TMEM200A: variants seen among roughly 807,000 people sequenced by gnomAD.
The protein encoded by TMEM200A is transmembrane protein 200A.
Under a neutral mutation model 24.3 loss-of-function variants are expected in TMEM200A, and 12 were observed. The ratio of observed to expected loss-of-function variants is 0.49; its 90% CI spans 0.32 to 0.80. The LOEUF (loss-of-function observed/expected upper bound fraction) is 0.80. TMEM200A is among the 30% of genes least tolerant of loss of function. The pLI is 0.04. For missense variants in TMEM200A, 545 were observed against 614.4 expected (o/e 0.89, Z 1.19); for synonymous variants, 224 against 224.4 (o/e 1.00, Z 0.02).
rs756747178 is a variant in TMEM200A, at chr6:130,440,953, G to A, written c.531G>A (p.Glu177=). The stretch of plus-strand genomic sequence containing the variant: ...ACATTCACACGCTAAGAATCAAGGA[G>A]CAAAGGCAAATGAACGGCATGTACA... ...VIDIHTLRIK[E]QRQMNGMYTG... is the part of the protein sequence containing the mutation. Residue 177 remains glutamate (E), a synonymous_variant, in exon 3 of 3, where the codon GAG becomes GAA. Coordinates refer to ENST00000296978, the MANE Select transcript of TMEM200A (RefSeq NM_001258277.2). The A allele has an allele frequency of 4.3e-6, 7 of 1,613,998 alleles. No homozygotes were observed. In the Admixed American group the frequency reaches 8.3e-5, roughly 19 times the overall value.
chr6:130,431,231 A>T (rs1472722405), intron 2 of TMEM200A, among the ~76,000 whole-genome samples: 1 of 152,210 alleles, frequency 6.6e-6, no homozygotes, highest in African/African-American at 2.4e-5. Flanking sequence ...ACCGGAAATG[A>T]TATTAATACT....
At chr6:130,432,247 T>A (rs1393046116) in intron 2 of TMEM200A, among the ~76,000 whole-genome samples, 1 of 152,204 alleles carries the variant, frequency 6.6e-6, no homozygotes, top group Non-Finnish European at 1.5e-5. Flanking sequence ...AGATTACTCA[T>A]TCATTCGATC....
rs74342531 is a variant in TMEM200A at position 130,369,443 on chromosome 6, A to G, written c.-81+2919A>G. ...TTAGGTGAGGTTGAATTTCTGCGTA[A>G]GAATTTAGGTTACATTCTGGAACAC... On this transcript the variant is annotated intron_variant, in intron 1 of 2. Transcript: ENST00000296978. Among the ~76,000 whole-genome samples, 311 of 152,290 alleles carry G rather than the reference A, an allele frequency of 2.0e-3. 15 individuals are homozygous for G. In the East Asian group the frequency reaches 0.05, roughly 24 times the overall value.
At chr6:130,429,449 C>G (rs942744715) in intron 2 of TMEM200A, among the ~76,000 whole-genome samples, 6 of 152,028 alleles carry the variant, frequency 3.9e-5, no homozygotes, top group Admixed American at 6.6e-5. Context: ...AGAATGACAA[C>G]TCTTAATATT....
intron 1 of TMEM200A, among the ~76,000 whole-genome samples, chr6:130,375,841 G>A (rs2115076333): frequency 6.6e-6 from 1 of 152,258 alleles, no homozygotes; most frequent in South Asian, 2.1e-4. Context: ...TCACTGTAAT[G>A]ATGATATTGG....
intron 2 of TMEM200A, among the ~76,000 whole-genome samples, chr6:130,398,350 T>G (rs1430804517): frequency 6.6e-6 from 1 of 152,192 alleles, no homozygotes; most frequent in African/African-American, 2.4e-5. Context: ...TACCACATTT[T>G]CTTTATCCAG....
Position 130,405,170 on chromosome 6 carries a change from T to A in TMEM200A, c.-17+19934T>A, listed in dbSNP as rs565877463. On this transcript the variant is annotated intron_variant, in intron 2 of 2. Coordinates refer to ENST00000296978, the MANE Select transcript of TMEM200A (RefSeq NM_001258277.2). ...TTTTGGTTCCATATGAATTTAAAAATTTTTTTTTCTAGTTCTGTGAAGAAT... is the reference window on the plus strand; with the variant it reads ...TTTTGGTTCCATATGAATTTAAAAAATTTTTTTTCTAGTTCTGTGAAGAAT... Among the ~76,000 whole-genome samples the A allele has an allele frequency of 1.8e-3, 281 of 152,104 alleles. 2 individuals carry two copies. The highest frequency in any genetic ancestry group is 6.3e-3 in the African/African-American group (260 of 41,520).
chr6:130,420,384 C>T (rs951197829), intron 2 of TMEM200A, among the ~76,000 whole-genome samples: 2 of 152,246 alleles, frequency 1.3e-5, no homozygotes, highest in South Asian at 4.2e-4. Flanking sequence ...TACCTGAGAA[C>T]TTGAGTTGAT....
At chr6:130,427,437 T>C (rs1779771049) in intron 2 of TMEM200A, among the ~76,000 whole-genome samples, 1 of 152,190 alleles carries the variant, frequency 6.6e-6, no homozygotes, top group Admixed American at 6.5e-5. Context: ...TTAACCAATT[T>C]TCTGTTGCTG....
At chr6:130,402,888 A>G (rs1378143614) in intron 2 of TMEM200A, among the ~76,000 whole-genome samples, 6 of 152,094 alleles carry the variant, frequency 3.9e-5, no homozygotes, top group African/African-American at 1.4e-4. Context: ...TGTCATTGTA[A>G]AAATGTAGCC....
chr6:130,399,535 T>G (rs1779032597), intron 2 of TMEM200A, among the ~76,000 whole-genome samples: 1 of 151,846 alleles, frequency 6.6e-6, no homozygotes, highest in Non-Finnish European at 1.5e-5. Flanking sequence ...GCCATTGAGC[T>G]TTTAATTTAT....
chr6:130,425,617 G>A (rs755067164), intron 2 of TMEM200A, among the ~76,000 whole-genome samples: 11 of 152,132 alleles, frequency 7.2e-5, no homozygotes, highest in Non-Finnish European at 1.5e-4. Flanking sequence ...CAGCCAGTTC[G>A]GAAGTAATAT....
chr6:130,399,923 A>G (rs1416566523), intron 2 of TMEM200A, among the ~76,000 whole-genome samples: 1 of 151,988 alleles, frequency 6.6e-6, no homozygotes, highest in African/African-American at 2.4e-5. Flanking sequence ...CATATCAGTG[A>G]GAACATACAA....
In TMEM200A at chr6:130,384,579, T is replaced by TG. The variant is rs151236835; in HGVS notation, c.-80-593dup. ...CTCCTACCTTGGCCTTCCAAAGTGC[T>TG]GCAATTATAGGTGTGATCCATCCTG... On this transcript the variant is annotated intron_variant, in intron 1 of 2. Transcript: ENST00000296978. Among the ~76,000 whole-genome samples the TG allele has an allele frequency of 5.5e-3, 836 of 152,302 alleles. 7 individuals carry two copies. Among genetic ancestry groups the TG allele is most frequent in the African/African-American group, 0.019 (774 of 41,568 alleles).
Position 130,366,498 on chromosome 6 carries a change from A to C in TMEM200A, c.-107A>C, listed in dbSNP as rs1163655235. The C allele has an allele frequency of 1.0e-6, 1 of 982,790 alleles. No individual in the cohort carries two copies. Among genetic ancestry groups the C allele is most frequent in the Non-Finnish European group, 1.2e-6 (1 of 829,706 alleles). The allele number at this position is 982,790 out of a possible 1,614,324, so 60.9% of individuals were successfully genotyped here. Reference sequence around the variant, plus strand: ...ACTGAGAACAGGGAGAGGCGACCCGACCCCCAGGGCCCGGTGCTCAGGACA... The same window carrying C: ...ACTGAGAACAGGGAGAGGCGACCCGCCCCCCAGGGCCCGGTGCTCAGGACA... On this transcript the variant is annotated 5_prime_UTR_variant, in exon 1 of 3. Coordinates refer to ENST00000296978, the MANE Select transcript of TMEM200A (RefSeq NM_001258277.2). The surrounding 1 kb of genome is among the most constrained non-coding windows in gnomAD (Gnocchi z 4.4).
intron 2 of TMEM200A, among the ~76,000 whole-genome samples, chr6:130,394,984 A>G (rs189196799): frequency 2.0e-5 from 3 of 152,278 alleles, no homozygotes; most frequent in Admixed American, 6.5e-5. Flanking sequence ...CAGCTGACCA[A>G]TCAGGAGCCT....
chr6:130,415,864 A>C (rs1257366184), intron 2 of TMEM200A, among the ~76,000 whole-genome samples: 3 of 152,326 alleles, frequency 2.0e-5, no homozygotes, highest in Admixed American at 1.3e-4. Flanking sequence ...AAGTCATTTG[A>C]AAATCAAACT....
At chr6:130,407,589 T>C (rs1465482610) in intron 2 of TMEM200A, among the ~76,000 whole-genome samples, 1 of 152,230 alleles carries the variant, frequency 6.6e-6, no homozygotes, top group Non-Finnish European at 1.5e-5. Flanking sequence ...TCCACGGAGA[T>C]ACTTGATTTG....
rs41285318 is a variant in TMEM200A at position 130,442,853 on chromosome 6, G to A, written c.*955G>A. ...AGATCCTAGTATTTGGAAAACAATCGGCTAACCTTGACATTTCTTTTTACC... is the reference window on the plus strand; with the variant it reads ...AGATCCTAGTATTTGGAAAACAATCAGCTAACCTTGACATTTCTTTTTACC... On this transcript the variant is annotated 3_prime_UTR_variant, in exon 3 of 3. Transcript: ENST00000296978. 1,278 of 166,754 alleles carry A rather than the reference G, an allele frequency of 7.7e-3. 6 individuals are homozygous for A. Among genetic ancestry groups the A allele is most frequent in the Non-Finnish European group, 0.012 (815 of 68,024 alleles). 10.3% of individuals were successfully genotyped at this position (166,754 alleles called of 1,614,324 possible).
Sources: gnomAD v4.1 joint callset for allele counts (sites outside exome capture counted in the v4.1 genomes callset) on GRCh38, gnomAD v4.1.1 for gene constraint, Gnocchi (gnomAD v3.1) non-coding constraint, MANE v1.5 for transcripts, NCBI Gene and HGNC (gene_info 2026-07-23, HGNC 2026-07-21) for gene names.